TFCP2: variants seen among roughly 807,000 people sequenced by gnomAD.
The protein encoded by TFCP2 is alpha-globin transcription factor CP2.
A neutral mutation model predicts 73.4 loss-of-function variants in TFCP2; 33 were observed. The observed-to-expected ratio is 0.45, with a 90% confidence interval of 0.34 to 0.60. The LOEUF (loss-of-function observed/expected upper bound fraction) is 0.60. Among genes scored for constraint, TFCP2 ranks in the 20% least tolerant of loss-of-function variants. The probability of loss-of-function intolerance (pLI) is 0.01; values close to 1 mark genes in which losing one functional copy is unlikely to be tolerated. For missense variants in TFCP2, 352 were observed against 604.0 expected, an observed-to-expected ratio of 0.58 and a Z score of 4.37; for synonymous variants, 193 against 211.6, an observed-to-expected ratio of 0.91 and a Z score of 0.76.
chr12:51,120,225 T>G (rs375882752), intron 1 of TFCP2, among the ~76,000 whole-genome samples: 1 of 67,986 alleles, frequency 1.5e-5, no homozygotes, highest in South Asian at 4.5e-4. Context: ...AACAAAAAAA[T>G]AAAAACTGGA....
At chr12:51,096,490 C>G (rs951619755) in intron 13 of TFCP2, among the ~76,000 whole-genome samples, 1 of 152,160 alleles carries the variant, frequency 6.6e-6, no homozygotes, top group African/African-American at 2.4e-5. Context: ...CTCCCAGGAT[C>G]CTAATAAGGT....
chr12:51,141,652 C>A (rs1316296077), intron 1 of TFCP2, among the ~76,000 whole-genome samples: 1 of 151,772 alleles, frequency 6.6e-6, no homozygotes, highest in Non-Finnish European at 1.5e-5. Flanking sequence ...GTAATCCCAG[C>A]ACTTTGGGAG....
chr12:51,101,506 AC>A (rs374243396), intron 11 of TFCP2, among the ~76,000 whole-genome samples: 10 of 152,110 alleles, frequency 6.6e-5, no homozygotes, highest in African/African-American at 2.4e-4. Context: ...TATTCTGGGC[AC>A]CCTATAGCCC....
At chr12:51,118,181 C>T (rs1242829856) in intron 2 of TFCP2, among the ~76,000 whole-genome samples, 1 of 152,156 alleles carries the variant, frequency 6.6e-6, no homozygotes, top group Non-Finnish European at 1.5e-5. Flanking sequence ...CATTAGAACT[C>T]AAATCTCTGA....
chr12:51,157,537 T>C (rs1941562550), intron 1 of TFCP2, among the ~76,000 whole-genome samples: 1 of 152,002 alleles, frequency 6.6e-6, no homozygotes, highest in African/African-American at 2.4e-5. Flanking sequence ...CAAGTGATAC[T>C]CCCATTTCAG....
intron 1 of TFCP2, among the ~76,000 whole-genome samples, chr12:51,165,173 AGG>A (rs1941729769): frequency 6.6e-6 from 1 of 152,124 alleles, no homozygotes; most frequent in Admixed American, 6.6e-5. Flanking sequence ...TGGGCAACAT[AGG>A]GAGACTTGGT....
chr12:51,132,062 A>C (rs939468449), intron 1 of TFCP2, among the ~76,000 whole-genome samples: 4 of 152,202 alleles, frequency 2.6e-5, no homozygotes, highest in African/African-American at 9.6e-5. Context: ...AATAGAACAA[A>C]TGCTAAAATA....
chr12:51,096,352 G>A (rs934538594), intron 13 of TFCP2, among the ~76,000 whole-genome samples: 3 of 152,186 alleles, frequency 2.0e-5, no homozygotes, highest in African/African-American at 4.8e-5. Context: ...ACTGACTTCC[G>A]TGTCTTCAAC....
intron 4 of TFCP2, among the ~76,000 whole-genome samples, chr12:51,114,106 T>C (rs1940461072): frequency 6.6e-6 from 1 of 152,156 alleles, no homozygotes; most frequent in Non-Finnish European, 1.5e-5. Flanking sequence ...CACCTCAATG[T>C]AAAACTTTAG....
At chr12:51,135,375 C>T (rs1002468308) in intron 1 of TFCP2, among the ~76,000 whole-genome samples, 1 of 151,716 alleles carries the variant, frequency 6.6e-6, no homozygotes, top group Non-Finnish European at 1.5e-5. Flanking sequence ...TGAGGTGAGC[C>T]GAGATCGTGC....
intron 5 of TFCP2, 54 bp from the exon 6 acceptor site, chr12:51,109,327 G>T: frequency 6.3e-7 from 1 of 1,579,156 alleles, no homozygotes. Flanking sequence ...CAAACCAGTT[G>T]GCAGTATTTT....
intron 10 of TFCP2, 40 bp from the exon 11 acceptor site, chr12:51,102,065 T>A (rs771647929): frequency 7.4e-7 from 1 of 1,354,968 alleles, no homozygotes; most frequent in African/African-American, 1.4e-5. Flanking sequence ...AAGGCAAAGA[T>A]TCTCTTTGTT....
At chr12:51,136,579 C>T (rs922102106) in intron 1 of TFCP2, among the ~76,000 whole-genome samples, 3 of 152,104 alleles carry the variant, frequency 2.0e-5, no homozygotes, top group African/African-American at 7.2e-5. Flanking sequence ...CCCTGAGTAG[C>T]TTACCTGTAT....
Position 51,172,920 on chromosome 12 carries a change from C to G in TFCP2, c.-498G>C, listed in dbSNP as rs888682363. ...CCTCGCTTCCGGTCAGTCCCACGATCACTTCCGGTCACCCCTTCTCAACCC... is the reference window on the plus strand; with the variant it reads ...CCTCGCTTCCGGTCAGTCCCACGATGACTTCCGGTCACCCCTTCTCAACCC... On this transcript the variant is annotated 5_prime_UTR_variant, in exon 1 of 15. Coordinates refer to ENST00000257915, the MANE Select transcript of TFCP2 (RefSeq NM_005653.5). The G allele has an allele frequency of 1.2e-5, 2 of 162,892 alleles. No individual in the cohort carries two copies. The highest frequency in any genetic ancestry group is 2.7e-5 in the Non-Finnish European group (2 of 73,244). 10.1% of individuals were successfully genotyped at this position (162,892 alleles called of 1,614,324 possible).
intron 1 of TFCP2, among the ~76,000 whole-genome samples, chr12:51,136,103 G>A (rs776822445): frequency 2.6e-5 from 4 of 151,678 alleles, no homozygotes; most frequent in South Asian, 2.1e-4. Flanking sequence ...TCAGGAGTTC[G>A]AGACCAGCCT....
intron 1 of TFCP2, among the ~76,000 whole-genome samples, chr12:51,167,492 A>G (rs921114350): frequency 2.6e-5 from 4 of 152,018 alleles, no homozygotes; most frequent in Non-Finnish European, 4.4e-5. Flanking sequence ...TCCCAGGTTT[A>G]AGTCATTCTC....
intron 1 of TFCP2, among the ~76,000 whole-genome samples, chr12:51,165,807 G>C (rs1157515535): frequency 6.6e-6 from 1 of 152,114 alleles, no homozygotes; most frequent in Non-Finnish European, 1.5e-5. Context: ...CACATATTCA[G>C]CAAACTAGGA....
intron 1 of TFCP2, among the ~76,000 whole-genome samples, chr12:51,150,619 GA>G (rs768546207): frequency 1.8e-4 from 28 of 152,238 alleles, no homozygotes; most frequent in Non-Finnish European, 3.2e-4. Context: ...AAAGAGAGAA[GA>G]TTTGGAAGAT....
intron 8 of TFCP2, 104 bp from the exon 9 acceptor site, chr12:51,104,307 A>C: frequency 1.0e-6 from 1 of 968,972 alleles, no homozygotes; most frequent in Non-Finnish European, 1.6e-6. Context: ...GATTAAAAAA[A>C]AATCTGTGCT....
Sources: allele counts gnomAD v4.1 joint callset (sites outside exome capture counted in the v4.1 genomes callset), GRCh38; gene constraint gnomAD v4.1.1; transcripts MANE v1.5; gene names NCBI Gene and HGNC (gene_info 2026-07-23, HGNC 2026-07-21).